Variants in NECTIN1 observed in about 807,000 individuals in gnomAD.
NECTIN1 encodes the protein nectin-1.
NECTIN1 carries 23 observed loss-of-function variants against 48.0 expected under a neutral mutation model. The ratio of observed to expected loss-of-function variants is 0.48; its 90% confidence interval spans 0.34 to 0.68. The LOEUF is 0.68. Ranked by LOEUF, NECTIN1 falls within the 30% of genes least tolerant of loss-of-function variation. NECTIN1 has a pLI of 0.01. For missense variants in NECTIN1, 591 were observed against 709.9 expected (o/e 0.83, Z 1.90); for synonymous variants, 270 against 288.9 (o/e 0.93, Z 0.66).
chr11:119,645,712 G>A (rs777121219), intron 5 of NECTIN1, among the ~76,000 whole-genome samples: 9 of 152,154 alleles, frequency 5.9e-5, no homozygotes, highest in Non-Finnish European at 1.2e-4. Flanking sequence ...AGAACTGCAA[G>A]CTGGGCTGGC....
intron 5 of NECTIN1, chr11:119,641,039 C>T (rs893123887): frequency 1.3e-5 from 2 of 152,218 alleles, no homozygotes; most frequent in Non-Finnish European, 1.5e-5. Flanking sequence ...CTCACTCACT[C>T]CCTCCTCATT....
chr11:119,669,612 T>G (rs1204963707), intron 5 of NECTIN1, among the ~76,000 whole-genome samples: 1 of 152,180 alleles, frequency 6.6e-6, no homozygotes, highest in Non-Finnish European at 1.5e-5. Flanking sequence ...GTAACATATC[T>G]GCTCAGAGCC....
chr11:119,672,936 C>A lies in NECTIN1; in HGVS notation c.1003+2223G>T, dbSNP rs918911798. Reference sequence around the variant, plus strand: ...GCATATGCGTGTCCCTCCAGCACACCCCCTGCTGCCCACCTTCTGCCCTGC... The same window carrying A: ...GCATATGCGTGTCCCTCCAGCACACACCCTGCTGCCCACCTTCTGCCCTGC... On this transcript the variant is annotated intron_variant, in intron 5 of 5. Coordinates refer to ENST00000264025, the MANE Select transcript of NECTIN1 (RefSeq NM_002855.5). The surrounding 1 kb of genome is among the most constrained non-coding windows in gnomAD (Gnocchi z 4.3). Among the ~76,000 whole-genome samples, 1 of 152,198 alleles carries A rather than the reference C, an allele frequency of 6.6e-6. No homozygotes were observed. Among genetic ancestry groups the A allele is most frequent in the African/African-American group, 2.4e-5 (1 of 41,438 alleles).
chr11:119,653,075 A>G lies in NECTIN1; in HGVS notation c.1004-13063T>C, dbSNP rs541320895. On this transcript the variant is annotated intron_variant, in intron 5 of 7. Transcript: ENST00000341398. Reference sequence around the variant, plus strand: ...ACTAGGTATGACTCCATTTCTGTGAAGTTCCAGAATGGGGGTCATGCCTGG... The same window carrying G: ...ACTAGGTATGACTCCATTTCTGTGAGGTTCCAGAATGGGGGTCATGCCTGG... Among the ~76,000 whole-genome samples the G allele has an allele frequency of 4.6e-5, 7 of 152,338 alleles. No individual in the cohort carries two copies. In the East Asian group the frequency reaches 1.2e-3, roughly 25 times the overall value.
At chr11:119,652,820 C>T (rs1055654219) in intron 5 of NECTIN1, among the ~76,000 whole-genome samples, 2 of 152,098 alleles carry the variant, frequency 1.3e-5, no homozygotes, top group African/African-American at 4.8e-5. Context: ...GGTGATGGAC[C>T]CCAAAGTTAC....
chr11:119,639,855 C>T, intron 6 of NECTIN1: 2 of 1,614,054 alleles, frequency 1.2e-6, no homozygotes, highest in Non-Finnish European at 1.7e-6. Flanking sequence ...CAGAGTCCTG[C>T]CTGGCTCACC....
At chr11:119,648,722 G>T (rs950112428) in intron 5 of NECTIN1, among the ~76,000 whole-genome samples, 1 of 152,200 alleles carries the variant, frequency 6.6e-6, no homozygotes, top group African/African-American at 2.4e-5. Context: ...GGCTGTGGGA[G>T]TGTCTGGGGT....
chr11:119,690,608 A>G (rs1865237164), intron 1 of NECTIN1, among the ~76,000 whole-genome samples: 1 of 152,230 alleles, frequency 6.6e-6, no homozygotes, highest in African/African-American at 2.4e-5. Context: ...TCCCCCAGGC[A>G]CCAGCAGATC....
intron 1 of NECTIN1, among the ~76,000 whole-genome samples, chr11:119,690,742 A>T (rs1308698426): frequency 6.6e-6 from 1 of 151,882 alleles, no homozygotes; most frequent in East Asian, 1.9e-4. Flanking sequence ...CTTATGTCTG[A>T]GTAGCATCTG....
chr11:119,675,461 ATC>A (rs2135549768), intron 4 of NECTIN1, 151 bp from the exon 5 acceptor site: 2 of 694,548 alleles, frequency 2.9e-6, no homozygotes, highest in Non-Finnish European at 4.9e-6. Flanking sequence ...AATAATAATA[ATC>A]TCTTTCACTT....
intron 1 of NECTIN1, among the ~76,000 whole-genome samples, chr11:119,717,654 G>A (rs1865767129): frequency 6.6e-6 from 1 of 152,210 alleles, no homozygotes; most frequent in Admixed American, 6.5e-5. Flanking sequence ...TTATGCCTAG[G>A]AGTTGCTGCA....
intron 6 of NECTIN1, chr11:119,639,453 T>TC (rs35264559): frequency 1.3e-5 from 3 of 239,364 alleles, no homozygotes; most frequent in Admixed American, 1.0e-4. Flanking sequence ...GGGTTTTGGC[T>TC]CCCCCCATAT....
chr11:119,659,511 G>C (rs1335621598), downstream of NECTIN1, among the ~76,000 whole-genome samples: 2 of 152,218 alleles, frequency 1.3e-5, no homozygotes, highest in African/African-American at 2.4e-5. Context: ...TGGAGGCAAG[G>C]GTTGTGGTTT....
chr11:119,700,328 T>C (rs1380125659), intron 1 of NECTIN1, among the ~76,000 whole-genome samples: 1 of 152,218 alleles, frequency 6.6e-6, no homozygotes, highest in Non-Finnish European at 1.5e-5. Context: ...ATGTCATTTG[T>C]CAAGTGCGGA....
At chr11:119,705,556 C>T (rs536068659) in intron 1 of NECTIN1, among the ~76,000 whole-genome samples, 5 of 152,302 alleles carry the variant, frequency 3.3e-5, no homozygotes, top group African/African-American at 4.8e-5. Context: ...GCAAAGGCCC[C>T]GTGGCGGGAG....
In NECTIN1 at chr11:119,728,563, G is replaced by C. The variant is rs1372877427; in HGVS notation, c.-10C>G. 1.3e-6 allele frequency: 2 copies of C among 1,567,346 alleles called. No individual in the cohort carries two copies. Among genetic ancestry groups the C allele is most frequent in the African/African-American group, 2.7e-5 (2 of 72,888 alleles). On this transcript the variant is annotated 5_prime_UTR_variant, in exon 1 of 6. Transcript: ENST00000264025. The stretch of plus-strand genomic sequence containing the variant: ...GCCCCATCCGAGCCATCGGGGGCCG[G>C]GGGTCCGGCGAGAGGGGCGGCGAGG...
At chr11:119,725,927 C>G (rs1248633136) in intron 1 of NECTIN1, among the ~76,000 whole-genome samples, 5 of 152,218 alleles carry the variant, frequency 3.3e-5, no homozygotes, top group African/African-American at 1.2e-4. Flanking sequence ...TGTAACCCAC[C>G]TGCCCCACTG....
In NECTIN1 at chr11:119,665,151, T is replaced by C; in HGVS notation, c.1150A>G (p.Thr384Ala). 6.2e-7 allele frequency: 1 copy of C among 1,613,668 alleles called. No homozygotes were observed. Among genetic ancestry groups the C allele is most frequent in the Non-Finnish European group, 8.5e-7 (1 of 1,179,996 alleles). ...TTGGTGCTGTAGTCACCCTTGAAGG[T>C]GTGCCGGCGCCGACGCAGGGCGACC... ...IVVALRRRRH[T>A]FKGDYSTKKH... The change falls in exon 6 of 6, where the codon ACC becomes GCC. Residue 384 changes from threonine to alanine, a missense_variant. Transcript: ENST00000264025. The surrounding 1 kb of genome is among the most constrained non-coding windows in gnomAD (Gnocchi z 5.1).
rs1015402623 is a variant in NECTIN1 at position 119,648,325 on chromosome 11, G to C, written c.1004-8313C>G. On this transcript the variant is annotated intron_variant, in intron 5 of 7. Coordinates refer to the NECTIN1 transcript ENST00000341398. ...GGTGGTGATGGTGGTGATGGTGATGGTGGTGATGGTGGTGGTGATGCTGGT... is the reference window on the plus strand; with the variant it reads ...GGTGGTGATGGTGGTGATGGTGATGCTGGTGATGGTGGTGGTGATGCTGGT... 3.3e-3 allele frequency among the ~76,000 whole-genome samples: 59 copies of C among 18,150 alleles called. 7 individuals are homozygous for C. The highest frequency in any genetic ancestry group is 6.8e-3 in the Admixed American group (11 of 1,610). The allele number at this position is 18,150 out of a possible 152,430, so 11.9% of individuals were successfully genotyped here. A position where few individuals can be genotyped will look rare whatever the true frequency, so the allele number is the denominator to read the frequency against.
Sources: gnomAD v4.1 joint callset for allele counts (sites outside exome capture counted in the v4.1 genomes callset) on GRCh38, gnomAD v4.1.1 for gene constraint, Gnocchi (gnomAD v3.1) non-coding constraint, MANE v1.5 for transcripts, NCBI Gene and HGNC (gene_info 2026-07-23, HGNC 2026-07-21) for gene names.